The following TMEM132B variants were observed in gnomAD, a reference collection of about 807,000 sequenced individuals.
TMEM132B encodes the protein transmembrane protein 132B.
Under a neutral mutation model 90.8 loss-of-function variants are expected in TMEM132B, and 18 were observed. That is an observed-to-expected ratio of 0.20 (90% CI 0.14 to 0.29). TMEM132B has a LOEUF of 0.29. TMEM132B is among the 10% of genes least tolerant of loss of function. The pLI is 1.00. For missense variants in TMEM132B, 1,096 were observed against 1,326.8 expected (o/e 0.83, Z 2.70); for synonymous variants, 504 against 523.3 (o/e 0.96, Z 0.50).
intron 2 of TMEM132B, among the ~76,000 whole-genome samples, chr12:125,365,085 G>C (rs546783730): frequency 1.1e-3 from 165 of 151,024 alleles, no homozygotes; most frequent in African/African-American, 3.8e-3. Context: ...TTATTATTTG[G>C]TTTCTCTTTT....
chr12:125,192,687 C>T (rs987918452), intron 1 of TMEM132B, among the ~76,000 whole-genome samples: 1 of 152,190 alleles, frequency 6.6e-6, no homozygotes, highest in East Asian at 1.9e-4. Flanking sequence ...TCGGGAGCCC[C>T]GGCCTGCTTC....
At chr12:125,478,367 A>C (rs1881945021) in intron 3 of TMEM132B, among the ~76,000 whole-genome samples, 1 of 152,324 alleles carries the variant, frequency 6.6e-6, no homozygotes, top group Non-Finnish European at 1.5e-5. Context: ...AAAAACCTTG[A>C]AAAGAGATTA....
chr12:125,646,241 AACT>A (rs1369195623), intron 6 of TMEM132B, among the ~76,000 whole-genome samples: 23 of 152,214 alleles, frequency 1.5e-4, no homozygotes, highest in Non-Finnish European at 3.1e-4. Flanking sequence ...AGTCCAGGCA[AACT>A]ACTGAATGTG....
chr12:125,428,789 T>C (rs761664339), intron 3 of TMEM132B, among the ~76,000 whole-genome samples: 1 of 152,220 alleles, frequency 6.6e-6, no homozygotes, highest in Non-Finnish European at 1.5e-5. Context: ...TATCCAATTA[T>C]GTGGCCAACA....
At chr12:125,270,423 G>A (rs1359801486) in intron 1 of TMEM132B, among the ~76,000 whole-genome samples, 1 of 152,078 alleles carries the variant, frequency 6.6e-6, no homozygotes, top group Non-Finnish European at 1.5e-5. Context: ...TGTTAACTTG[G>A]GTTCCCTCTA....
At chr12:125,621,217 G>A (rs191276114) in intron 5 of TMEM132B, among the ~76,000 whole-genome samples, 4 of 152,302 alleles carry the variant, frequency 2.6e-5, no homozygotes, top group African/African-American at 9.6e-5. Context: ...GGGCACATGA[G>A]TGTTACTATT....
At chr12:125,505,190 A>AAAC (rs1882813595) in intron 3 of TMEM132B, among the ~76,000 whole-genome samples, 1 of 144,496 alleles carries the variant, frequency 6.9e-6, no homozygotes, top group African/African-American at 2.5e-5. Flanking sequence ...AAAAAAAAAA[A>AAAC]AAAAACAGTA....
chr12:125,650,535 C>A, intron 6 of TMEM132B, 148 bp from the exon 7 acceptor site: 1 of 861,048 alleles, frequency 1.2e-6, no homozygotes, highest in Non-Finnish European at 1.8e-6. Flanking sequence ...AGTGAATGAA[C>A]TGGGAGTGGA....
intron 4 of TMEM132B, among the ~76,000 whole-genome samples, chr12:125,522,764 C>A (rs1305869138): frequency 6.6e-6 from 1 of 152,240 alleles, no homozygotes; most frequent in Admixed American, 6.5e-5. Flanking sequence ...ATGGCAGGAG[C>A]TGCAGAGAGA....
At chr12:125,557,292 T>C (rs1446043818) in intron 4 of TMEM132B, among the ~76,000 whole-genome samples, 1 of 152,122 alleles carries the variant, frequency 6.6e-6, no homozygotes, top group Admixed American at 6.5e-5. Context: ...GATGTATCCT[T>C]TACCTAGAAG....
rs188161434 is a variant in TMEM132B, at chr12:125,276,941, C to T, written c.68-72511C>T. Among the ~76,000 whole-genome samples, 915 of 152,302 alleles carry T rather than the reference C, an allele frequency of 6.0e-3. 7 individuals are homozygous for T. Among genetic ancestry groups the T allele is most frequent in the Non-Finnish European group, 8.3e-3 (563 of 68,028 alleles). ...GGCATAACTTTGGATTCTAATCAAA[C>T]GGTCTTTCATCACACTGTCTTACCA... On this transcript the variant is annotated intron_variant, in intron 1 of 8. Transcript: ENST00000682704.
At chr12:125,322,894 A>G (rs1266995116) in intron 1 of TMEM132B, among the ~76,000 whole-genome samples, 1 of 151,782 alleles carries the variant, frequency 6.6e-6, no homozygotes. Context: ...ATATATATAT[A>G]TATGCTGTAT....
In TMEM132B at chr12:125,349,432, T is replaced by G. The variant is rs756227150; in HGVS notation, c.68-20T>G. 4.5e-5 allele frequency: 71 copies of G among 1,579,806 alleles called. No individual in the cohort carries two copies. The highest frequency in any genetic ancestry group is 3.5e-4 in the Admixed American group (19 of 54,740). ...ATCTCAGAACACGGTTTTATTCTTT[T>G]GCTTTCCTTTCTTGTGCAGTGACAG... On this transcript the variant is annotated intron_variant, in intron 1 of 8. Coordinates refer to ENST00000682704, the MANE Select transcript of TMEM132B (RefSeq NM_001366854.1). This position sits in a 1 kb window ranked among gnomAD's most constrained non-coding sequence, Gnocchi z 4.1.
chr12:125,649,732 G>C (rs1308376724), intron 6 of TMEM132B, among the ~76,000 whole-genome samples: 1 of 152,138 alleles, frequency 6.6e-6, no homozygotes, highest in East Asian at 1.9e-4. Context: ...GCACAGACTG[G>C]TCAGTAGTCA....
intron 4 of TMEM132B, among the ~76,000 whole-genome samples, chr12:125,576,576 C>T (rs1378874422): frequency 2.0e-5 from 3 of 148,432 alleles, no homozygotes; most frequent in Non-Finnish European, 4.5e-5. Context: ...CAGTCTTTTA[C>T]CACTGTGATA....
chr12:125,594,606 T>C (rs1885395205), intron 5 of TMEM132B, among the ~76,000 whole-genome samples: 3 of 152,184 alleles, frequency 2.0e-5, no homozygotes, highest in African/African-American at 7.2e-5. Flanking sequence ...TAATTTTGGT[T>C]TTAATTTGCA....
At chr12:125,234,215 C>G (rs1169877096) in intron 1 of TMEM132B, among the ~76,000 whole-genome samples, 2 of 152,182 alleles carry the variant, frequency 1.3e-5, no homozygotes, top group Admixed American at 6.5e-5. Flanking sequence ...TTGCATCCTC[C>G]TCTTGTATCT....
intron 1 of TMEM132B, among the ~76,000 whole-genome samples, chr12:125,245,298 G>A (rs1264380841): frequency 6.8e-6 from 1 of 147,278 alleles, no homozygotes; most frequent in Non-Finnish European, 1.5e-5. Flanking sequence ...TCAGGAGGGA[G>A]GAAAATGACT....
intron 4 of TMEM132B, among the ~76,000 whole-genome samples, chr12:125,529,656 C>T (rs1279551885): frequency 1.3e-5 from 2 of 152,242 alleles, no homozygotes; most frequent in Admixed American, 1.3e-4. Context: ...GCAGGTGCCA[C>T]ATGGGCCCTT....
Sources: gnomAD v4.1 joint callset for allele counts (sites outside exome capture counted in the v4.1 genomes callset) on GRCh38, gnomAD v4.1.1 for gene constraint, Gnocchi (gnomAD v3.1) non-coding constraint, MANE v1.5 for transcripts, NCBI Gene and HGNC (gene_info 2026-07-23, HGNC 2026-07-21) for gene names.